Variants in ATR observed in about 807,000 individuals in gnomAD.
ATR encodes serine/threonine-protein kinase ATR.
ATR carries 142 observed loss-of-function variants against 305.3 expected under a neutral mutation model. That is an observed-to-expected ratio of 0.47 (90% CI 0.41 to 0.53). The LOEUF (loss-of-function observed/expected upper bound fraction) is 0.53, where lower values mean the gene tolerates loss of function less well. Ranked by LOEUF, ATR falls within the 20% of genes least tolerant of loss-of-function variation. ATR has a pLI of 0.00. For missense variants in ATR, 2,135 were observed against 3,133.1 expected (o/e 0.68, Z 7.60); for synonymous variants, 1,050 against 1,068.1 (o/e 0.98, Z 0.33).
chr3:142,452,044 C>G, intron 46 of ATR: 2 of 1,031,864 alleles, frequency 1.9e-6, no homozygotes, highest in Non-Finnish European at 2.3e-6. Flanking sequence ...TTAATCTCAC[C>G]CTACAGATGA....
chr3:142,484,680 G>A (rs532550901), intron 36 of ATR, among the ~76,000 whole-genome samples: 1 of 152,316 alleles, frequency 6.6e-6, no homozygotes, highest in South Asian at 2.1e-4. Context: ...AGTTCCAGAG[G>A]CCCAGACTTG....
At chr3:142,474,775 T>C (rs992575662) in intron 36 of ATR, among the ~76,000 whole-genome samples, 1 of 152,192 alleles carries the variant, frequency 6.6e-6, no homozygotes, top group Non-Finnish European at 1.5e-5. Context: ...TGAATATAAG[T>C]GGCAAGAGTG....
At chr3:142,564,265 G>T (rs2034985389) in intron 3 of ATR, among the ~76,000 whole-genome samples, 1 of 152,096 alleles carries the variant, frequency 6.6e-6, no homozygotes, top group Non-Finnish European at 1.5e-5. Context: ...TTATTGTAGT[G>T]GTCTGGAACT....
intron 16 of ATR, among the ~76,000 whole-genome samples, chr3:142,544,621 C>CAAAATAAA (rs2034198283): frequency 1.2e-5 from 1 of 83,630 alleles, no homozygotes; most frequent in African/African-American, 4.4e-5. Context: ...AAGAAAGGAG[C>CAAAATAAA]AAAAAAAAAA....
chr3:142,478,142 T>A (rs1157770314), intron 36 of ATR, among the ~76,000 whole-genome samples: 1 of 152,220 alleles, frequency 6.6e-6, no homozygotes, highest in Non-Finnish European at 1.5e-5. Context: ...CTTTTGAATG[T>A]GTTTGCTCTT....
chr3:142,495,094 G>A lies in ATR; in HGVS notation c.5898+1267C>T, dbSNP rs145466685. Among the ~76,000 whole-genome samples the A allele has an allele frequency of 3.8e-3, 584 of 152,138 alleles. 2 individuals are homozygous for A. The highest frequency in any genetic ancestry group is 6.4e-3 in the Non-Finnish European group (435 of 67,986). The stretch of plus-strand genomic sequence containing the variant: ...AGATTTCTGTTTTTGATGGAAGGAT[G>A]GAATAAAGTCTTGTTCAGAGAAGTA... On this transcript the variant is annotated intron_variant, in intron 34 of 46. Transcript: ENST00000350721.
In ATR at chr3:142,519,791, A is replaced by G; in HGVS notation, c.4267-7T>C. 1 of 1,571,404 alleles carries G rather than the reference A, an allele frequency of 6.4e-7. No homozygotes were observed. The highest frequency in any genetic ancestry group is 8.8e-7 in the Non-Finnish European group (1 of 1,141,166). ...CATAAATAGAAAGCAACTCCTACAA[A>G]TACATATTTTACATTTGTAAGTCCA... is the stretch of plus-strand genomic sequence containing the variant. On this transcript the variant is annotated splice_region_variant and splice_polypyrimidine_tract_variant and intron_variant, in intron 23 of 46. Transcript: ENST00000350721.
chr3:142,482,017 G>C (rs1487469935), intron 36 of ATR, among the ~76,000 whole-genome samples: 4 of 151,688 alleles, frequency 2.6e-5, no homozygotes, highest in African/African-American at 4.8e-5. Context: ...GTAGAGATGG[G>C]TTCTTACCAT....
At chr3:142,480,782 A>T (rs2030383172) in intron 36 of ATR, among the ~76,000 whole-genome samples, 1 of 152,168 alleles carries the variant, frequency 6.6e-6, no homozygotes, top group Non-Finnish European at 1.5e-5. Context: ...AAGCCTCAGC[A>T]ATGGCGGGCA....
intron 16 of ATR, among the ~76,000 whole-genome samples, chr3:142,543,558 T>G (rs2034142313): frequency 6.6e-6 from 1 of 151,674 alleles, no homozygotes; most frequent in African/African-American, 2.4e-5. Context: ...CCTTCCTTCC[T>G]TCCTCCCTCC....
chr3:142,548,026 T>C, intron 15 of ATR, 116 bp from the exon 16 acceptor site: 1 of 892,792 alleles, frequency 1.1e-6, no homozygotes, highest in South Asian at 1.6e-5. Flanking sequence ...GATGACAGGA[T>C]TTATTAAAGG....
At chr3:142,546,341 G>T (rs2034267928) in intron 16 of ATR, among the ~76,000 whole-genome samples, 1 of 152,102 alleles carries the variant, frequency 6.6e-6, no homozygotes, top group Non-Finnish European at 1.5e-5. Context: ...TAGTACCTGG[G>T]TTCCTTAACA....
intron 22 of ATR, among the ~76,000 whole-genome samples, chr3:142,523,162 C>T (rs929642460): frequency 6.6e-6 from 1 of 152,182 alleles, no homozygotes; most frequent in African/African-American, 2.4e-5. Flanking sequence ...TGGCTAATGG[C>T]TCTAATTCCA....
At chr3:142,468,817 C>A (rs970269999) in intron 38 of ATR, among the ~76,000 whole-genome samples, 1 of 152,038 alleles carries the variant, frequency 6.6e-6, no homozygotes, top group African/African-American at 2.4e-5. Context: ...CAGCAAGATC[C>A]CATCTCTACA....
chr3:142,556,937 T>C (rs2034693305), intron 8 of ATR, among the ~76,000 whole-genome samples: 1 of 152,198 alleles, frequency 6.6e-6, no homozygotes, highest in Non-Finnish European at 1.5e-5. Flanking sequence ...GTGGAACTCA[T>C]ACTCTGCTAA....
intron 8 of ATR, among the ~76,000 whole-genome samples, chr3:142,558,376 A>C (rs2034748035): frequency 2.0e-5 from 3 of 152,032 alleles, no homozygotes; most frequent in Admixed American, 2.0e-4. Context: ...TATAAGAATT[A>C]GCTGGGTATG....
intron 25 of ATR, among the ~76,000 whole-genome samples, chr3:142,514,797 G>A (rs1324703235): frequency 2.3e-5 from 2 of 86,466 alleles, no homozygotes; most frequent in African/African-American, 1.1e-4. Context: ...GCAAGAGCAA[G>A]ACTCCGTCAC....
chr3:142,556,110 A>T lies in ATR; in HGVS notation c.2108T>A (p.Val703Asp), dbSNP rs2108471755. The change falls in exon 10 of 47, where the codon GTC becomes GAC. Residue 703 changes from valine to aspartate, a missense_variant. Transcript: ENST00000350721. ...IDKVKDDSDIVKKEFASILGQ... is the reference protein window; with the variant it reads ...IDKVKDDSDIDKKEFASILGQ... ...AAGTATAGAAGCAAATTCTTTCTTG[A>T]CAATGTCAGAATCATCTTTGACTTT... 1 of 1,613,204 alleles carries T rather than the reference A, an allele frequency of 6.2e-7. No homozygotes were observed. The highest frequency in any genetic ancestry group is 8.5e-7 in the Non-Finnish European group (1 of 1,179,720).
chr3:142,555,936 G>A lies in ATR; in HGVS notation c.2282C>T (p.Ser761Phe), dbSNP rs2108470602. 1 of 1,613,106 alleles carries A rather than the reference G, an allele frequency of 6.2e-7. No homozygotes were observed. Among genetic ancestry groups the A allele is most frequent in the Non-Finnish European group, 8.5e-7 (1 of 1,179,764 alleles). Residue 761 changes from serine (S) to phenylalanine (F), a missense_variant, in exon 10 of 47, where the codon TCT becomes TTT. Physicochemically the swap from Ser to Phe is radical, Grantham distance 155 (BLOSUM62 -2). Around this residue, in one of 9 missense-constraint regions of ATR, gnomAD observed 530 missense variants for 766.8 expected, o/e 0.69. Transcript: ENST00000350721. ...TAGGAAAAGGAATGGCTTGCAGACA[G>A]AAGCTTTTAGTTGAGAAGATGAACA... is the stretch of plus-strand genomic sequence containing the variant. ...HECSSSQLKA[S>F]VCKPFLFLLK...
Sources: allele counts gnomAD v4.1 joint callset (sites outside exome capture counted in the v4.1 genomes callset), GRCh38; gene constraint gnomAD v4.1.1; regional missense constraint gnomAD v4.1.1; transcripts MANE v1.5; gene names NCBI Gene and HGNC (gene_info 2026-07-23, HGNC 2026-07-21).